The following SH3RF1 variants were observed in gnomAD, a reference collection of about 807,000 sequenced individuals.
The protein encoded by SH3RF1 is E3 ubiquitin-protein ligase SH3RF1.
A neutral mutation model predicts 74.0 loss-of-function variants in SH3RF1; 32 were observed. That is an observed-to-expected ratio of 0.43 (90% CI 0.33 to 0.58). The LOEUF (loss-of-function observed/expected upper bound fraction) is 0.58. SH3RF1 is among the 20% of genes least tolerant of loss of function. SH3RF1 has a pLI of 0.05. For missense variants in SH3RF1, 954 were observed against 1,130.9 expected, an observed-to-expected ratio of 0.84 and a Z score of 2.24; for synonymous variants, 396 against 439.6, an observed-to-expected ratio of 0.90 and a Z score of 1.24.
At chr4:169,264,857 A>C (rs1731328742) in intron 2 of SH3RF1, among the ~76,000 whole-genome samples, 1 of 152,096 alleles carries the variant, frequency 6.6e-6, no homozygotes, top group South Asian at 2.1e-4. Flanking sequence ...ACCTTCTGTC[A>C]GTTCTTCCTA....
chr4:169,112,516 C>G (rs1477204668), intron 10 of SH3RF1, among the ~76,000 whole-genome samples: 3 of 152,178 alleles, frequency 2.0e-5, no homozygotes, highest in African/African-American at 7.2e-5. Flanking sequence ...AGGGAAGATG[C>G]TTCAAGAGGA....
chr4:169,107,991 A>T (rs1204018365), intron 10 of SH3RF1, among the ~76,000 whole-genome samples: 2 of 152,208 alleles, frequency 1.3e-5, no homozygotes. Context: ...AACTATTTCA[A>T]TTCCACAGAA....
intron 2 of SH3RF1, among the ~76,000 whole-genome samples, chr4:169,240,355 C>T (rs114110423): frequency 0.01 from 1,522 of 151,908 alleles, 34 homozygotes; most frequent in African/African-American, 0.035. Context: ...AACCACCATG[C>T]CCGCCTGATT....
intron 11 of SH3RF1, among the ~76,000 whole-genome samples, chr4:169,105,281 A>G (rs953493193): frequency 3.3e-5 from 5 of 152,236 alleles, no homozygotes; most frequent in Admixed American, 6.5e-5. Context: ...ATATATTTAT[A>G]TAAGATATAA....
chr4:169,218,262 A>G (rs1372115269), intron 2 of SH3RF1, among the ~76,000 whole-genome samples: 1 of 142,768 alleles, frequency 7.0e-6, no homozygotes, highest in South Asian at 2.1e-4. Flanking sequence ...GTTTATATAT[A>G]ATATAGAATA....
chr4:169,194,300 GA>G (rs1734775226), intron 2 of SH3RF1, among the ~76,000 whole-genome samples: 1 of 152,100 alleles, frequency 6.6e-6, no homozygotes, highest in Non-Finnish European at 1.5e-5. Context: ...CAACCACCAG[GA>G]CAAGACACAG....
Position 169,200,539 on chromosome 4 carries a change from G to A in SH3RF1, c.394-43860C>T, listed in dbSNP as rs1734891602. Among the ~76,000 whole-genome samples, 4 of 151,986 alleles carry A rather than the reference G, an allele frequency of 2.6e-5. No homozygotes were observed. In the South Asian group the frequency reaches 8.3e-4, roughly 32 times the overall value. Reference sequence around the variant, plus strand: ...TTTACTTCAGTAAGAATGAACCACAGCTCACAACAGGGATGAATCAGAAAC... The same window carrying A: ...TTTACTTCAGTAAGAATGAACCACAACTCACAACAGGGATGAATCAGAAAC... On this transcript the variant is annotated intron_variant, in intron 2 of 11. Coordinates refer to ENST00000284637, the MANE Select transcript of SH3RF1 (RefSeq NM_020870.4).
At chr4:169,133,532 C>T (rs963061701) in intron 5 of SH3RF1, among the ~76,000 whole-genome samples, 1 of 151,454 alleles carries the variant, frequency 6.6e-6, no homozygotes, top group African/African-American at 2.4e-5. Context: ...AATCCCAGCA[C>T]TTGGGGAGGC....
intron 2 of SH3RF1, among the ~76,000 whole-genome samples, chr4:169,240,733 A>T (rs1730894641): frequency 1.3e-5 from 2 of 152,170 alleles, no homozygotes; most frequent in African/African-American, 2.4e-5. Flanking sequence ...CTACTGGCCT[A>T]GCAGTTTTCA....
At chr4:169,130,237 G>T in intron 5 of SH3RF1, 81 bp from the exon 6 acceptor site, 2 of 989,712 alleles carry the variant, frequency 2.0e-6, no homozygotes, top group Non-Finnish European at 1.4e-6. Context: ...AGAAAGGCAA[G>T]TCACATTAAA....
intron 11 of SH3RF1, among the ~76,000 whole-genome samples, chr4:169,104,986 GTTTATT>G (rs932241294): frequency 1.1e-4 from 17 of 151,716 alleles, no homozygotes; most frequent in Admixed American, 3.3e-4. Context: ...ATTTTTCCCA[GTTTATT>G]TTTAAGTTAA....
At position 169,175,809 on chromosome 4, in the gene SH3RF1, T is replaced by C. The variant is rs555034850; in HGVS notation, c.394-19130A>G. Among the ~76,000 whole-genome samples, 108 of 152,322 alleles carry C rather than the reference T, an allele frequency of 7.1e-4. 1 individual carries two copies. The South Asian group carries it at 0.016, about 23-fold the overall frequency. The stretch of plus-strand genomic sequence containing the variant: ...ACACACTTAATGCATTTTGCACTAT[T>C]TGTATCTTCCCTCTCCCCCCATCCC... On this transcript the variant is annotated intron_variant, in intron 2 of 11. Coordinates refer to ENST00000284637, the MANE Select transcript of SH3RF1 (RefSeq NM_020870.4).
intron 2 of SH3RF1, among the ~76,000 whole-genome samples, chr4:169,213,337 C>T (rs1204168589): frequency 6.6e-6 from 1 of 152,200 alleles, no homozygotes; most frequent in Admixed American, 6.5e-5. Context: ...AGTGTCTGTT[C>T]AGGTCTTTTG....
intron 2 of SH3RF1, among the ~76,000 whole-genome samples, chr4:169,172,033 A>G (rs1162718836): frequency 6.6e-6 from 1 of 152,244 alleles, no homozygotes; most frequent in Non-Finnish European, 1.5e-5. Context: ...CTCTGACAAT[A>G]TCAAAATAAC....
At chr4:169,255,362 C>T (rs1731169421) in intron 2 of SH3RF1, among the ~76,000 whole-genome samples, 1 of 152,066 alleles carries the variant, frequency 6.6e-6, no homozygotes, top group African/African-American at 2.4e-5. Flanking sequence ...TACATAAATG[C>T]ATTTGTTTAT....
chr4:169,243,084 A>T (rs1301251420), intron 2 of SH3RF1, among the ~76,000 whole-genome samples: 2 of 152,142 alleles, frequency 1.3e-5, no homozygotes, highest in East Asian at 3.8e-4. Flanking sequence ...CCAAATCCAT[A>T]CTACTTTTAT....
At chr4:169,181,737 T>C (rs996638131) in intron 2 of SH3RF1, among the ~76,000 whole-genome samples, 1 of 152,210 alleles carries the variant, frequency 6.6e-6, no homozygotes, top group Non-Finnish European at 1.5e-5. Context: ...TCTTGCCCAA[T>C]TGTTAAAATC....
chr4:169,149,105 G>A (rs1422775457), intron 4 of SH3RF1, among the ~76,000 whole-genome samples: 1 of 152,122 alleles, frequency 6.6e-6, no homozygotes, highest in Non-Finnish European at 1.5e-5. Flanking sequence ...CGTGAAGTGG[G>A]AACTCCATAA....
chr4:169,136,055 A>AG (rs1410077441), intron 5 of SH3RF1, among the ~76,000 whole-genome samples: 4 of 152,226 alleles, frequency 2.6e-5, no homozygotes, highest in Non-Finnish European at 5.9e-5. Flanking sequence ...TGAAACTGGT[A>AG]AGTATTATAT....
Sources: gnomAD v4.1 joint callset for allele counts (sites outside exome capture counted in the v4.1 genomes callset) on GRCh38, gnomAD v4.1.1 for gene constraint, MANE v1.5 for transcripts, NCBI Gene and HGNC (gene_info 2026-07-23, HGNC 2026-07-21) for gene names.